Variants in FHIT observed in about 807,000 individuals in gnomAD.
FHIT encodes bis(5'-adenosyl)-triphosphatase.
Under a neutral mutation model 17.9 loss-of-function variants are expected in FHIT, and 19 were observed. The observed-to-expected ratio is 1.06, with a 90% CI of 0.74 to 1.56. FHIT has a LOEUF of 1.56. Among genes scored for constraint, FHIT ranks in the 40% most tolerant of loss-of-function variants. The pLI, the probability that FHIT is intolerant of heterozygous loss-of-function variation, is 0.00. For missense variants in FHIT, 248 were observed against 189.2 expected (o/e 1.31, Z -1.82); for synonymous variants, 81 against 69.7 (o/e 1.16, Z -0.81).
At chr3:60,760,918 A>G (rs1189906878) in intron 4 of FHIT, among the ~76,000 whole-genome samples, 35 of 152,156 alleles carry the variant, frequency 2.3e-4, no homozygotes, top group African/African-American at 8.4e-4. Flanking sequence ...CAACAAAACA[A>G]CATTCAAATA....
intron 2 of FHIT, among the ~76,000 whole-genome samples, chr3:61,135,303 C>A: frequency 6.6e-6 from 1 of 152,190 alleles, no homozygotes; most frequent in East Asian, 1.9e-4. Flanking sequence ...TTACTAATAG[C>A]TCAAAGTTAA....
At chr3:60,113,735 C>T (rs1204502845) in intron 5 of FHIT, among the ~76,000 whole-genome samples, 1 of 151,186 alleles carries the variant, frequency 6.6e-6, no homozygotes, top group Non-Finnish European at 1.5e-5. Flanking sequence ...GGCGCGGTGG[C>T]TCACACCTGT....
At chr3:60,642,899 G>A (rs1319968540) in intron 4 of FHIT, among the ~76,000 whole-genome samples, 1 of 152,102 alleles carries the variant, frequency 6.6e-6, no homozygotes, top group African/African-American at 2.4e-5. Context: ...CTTTCCAGAG[G>A]AAACTTTCCC....
At chr3:60,730,536 G>T in intron 4 of FHIT, 1 of 176,450 alleles carries the variant, frequency 5.7e-6, no homozygotes, top group South Asian at 1.5e-4. Flanking sequence ...TGCCTGAGGT[G>T]ACTCACTTAA....
At chr3:59,764,872 ACACACACACAC>A (rs1701714479) in intron 8 of FHIT, among the ~76,000 whole-genome samples, 1 of 2,772 alleles carries the variant, frequency 3.6e-4, no homozygotes, top group Non-Finnish European at 4.6e-3. Context: ...AAACACACAC[ACACACACACAC>A]ACACACACAC....
chr3:60,009,081 T>C (rs1700030688), intron 7 of FHIT, among the ~76,000 whole-genome samples: 1 of 152,108 alleles, frequency 6.6e-6, no homozygotes, highest in African/African-American at 2.4e-5. Flanking sequence ...AGATCGCATT[T>C]TGAAAAGCAG....
At chr3:60,701,087 GATAAAC>G (rs2041234272) in intron 4 of FHIT, among the ~76,000 whole-genome samples, 2 of 149,450 alleles carry the variant, frequency 1.3e-5, no homozygotes. Flanking sequence ...TCTTTTATTA[GATAAAC>G]ATACATTTCC....
At chr3:60,733,016 T>C (rs1476460525) in intron 4 of FHIT, among the ~76,000 whole-genome samples, 6 of 152,158 alleles carry the variant, frequency 3.9e-5, no homozygotes, top group African/African-American at 1.4e-4. Flanking sequence ...TATTTCCCCA[T>C]CCTATCTCAC....
intron 7 of FHIT, among the ~76,000 whole-genome samples, chr3:59,957,322 G>C (rs1443496346): frequency 6.6e-6 from 1 of 152,274 alleles, no homozygotes; most frequent in African/African-American, 2.4e-5. Flanking sequence ...ATTGTGTGAA[G>C]ATAGAGCAAG....
intron 7 of FHIT, among the ~76,000 whole-genome samples, chr3:59,997,335 A>G (rs931327341): frequency 6.6e-6 from 1 of 152,188 alleles, no homozygotes; most frequent in African/African-American, 2.4e-5. Flanking sequence ...CCAAATTGCC[A>G]GAGAAGTCTG....
intron 8 of FHIT, among the ~76,000 whole-genome samples, chr3:59,894,879 C>A (rs368610337): frequency 6.6e-6 from 1 of 152,210 alleles, no homozygotes; most frequent in African/African-American, 2.4e-5. Context: ...GCTGCTTTCA[C>A]ATATTGAAAG....
At chr3:61,029,596 A>ACTGT (rs766428958) in intron 3 of FHIT, among the ~76,000 whole-genome samples, 6 of 152,212 alleles carry the variant, frequency 3.9e-5, no homozygotes, top group South Asian at 2.1e-4. Flanking sequence ...GCAGCTACAA[A>ACTGT]CTGTCATACA....
chr3:61,099,566 C>T (rs2035753608), intron 2 of FHIT, among the ~76,000 whole-genome samples: 1 of 152,118 alleles, frequency 6.6e-6, no homozygotes, highest in African/African-American at 2.4e-5. Context: ...GGTTGGTAGG[C>T]TATTTATTAT....
In FHIT at chr3:60,569,725, CTATATATA is replaced by C. The variant is rs1219009137; in HGVS notation, c.-17-32754_-17-32747del. Among the ~76,000 whole-genome samples, 114 of 39,120 alleles carry C rather than the reference CTATATATA, an allele frequency of 2.9e-3. 2 individuals carry two copies. The highest frequency in any genetic ancestry group is 0.011 in the African/African-American group (103 of 9,780). 25.7% of individuals were successfully genotyped at this position (39,120 alleles called of 152,430 possible). A position where few individuals can be genotyped will look rare whatever the true frequency, so the allele number is the denominator to read the frequency against. On this transcript the variant is annotated intron_variant, in intron 4 of 9. Transcript: ENST00000492590. Reference sequence around the variant, plus strand: ...ATTTAGAGATATTTATTTATTAATACTATATATATATATATATATATATATATATATTT... The same window carrying C: ...ATTTAGAGATATTTATTTATTAATACTATATATATATATATATATATATTT...
chr3:60,990,442 G>T (rs1350024094), intron 3 of FHIT, among the ~76,000 whole-genome samples: 1 of 152,286 alleles, frequency 6.6e-6, no homozygotes, highest in South Asian at 2.1e-4. Context: ...GGGTGGCGAT[G>T]ATAAAAGAGC....
chr3:60,404,157 C>CA (rs1451577585), intron 5 of FHIT, among the ~76,000 whole-genome samples: 2 of 152,028 alleles, frequency 1.3e-5, no homozygotes, highest in African/African-American at 2.4e-5. Context: ...CTTTCGTTTT[C>CA]AAAAAATCCC....
chr3:60,327,163 T>C (rs760430566), intron 5 of FHIT, among the ~76,000 whole-genome samples: 6 of 152,208 alleles, frequency 3.9e-5, no homozygotes, highest in Non-Finnish European at 7.3e-5. Flanking sequence ...AGTCTATGTT[T>C]CATATTCCAT....
At chr3:59,841,280 T>C (rs911800410) in intron 8 of FHIT, among the ~76,000 whole-genome samples, 9 of 152,142 alleles carry the variant, frequency 5.9e-5, no homozygotes, top group African/African-American at 2.2e-4. Context: ...TAGGCACAGA[T>C]ATGTACCACC....
chr3:60,768,906 C>T (rs1271939286), intron 4 of FHIT, among the ~76,000 whole-genome samples: 6 of 152,180 alleles, frequency 3.9e-5, no homozygotes, highest in Admixed American at 1.3e-4. Context: ...TGGGGGCATG[C>T]TGTTTGTATG....
Sources: allele counts gnomAD v4.1 joint callset (sites outside exome capture counted in the v4.1 genomes callset), GRCh38; gene constraint gnomAD v4.1.1; transcripts MANE v1.5; gene names NCBI Gene and HGNC (gene_info 2026-07-23, HGNC 2026-07-21).